PROS1: variants seen among roughly 807,000 people sequenced by gnomAD.
PROS1 encodes the protein protein S, also known as vitamin K-dependent protein S.
PROS1 carries 29 observed loss-of-function variants against 75.9 expected under a neutral mutation model. That is an observed-to-expected ratio of 0.38 (90% confidence interval 0.28 to 0.52). The LOEUF (loss-of-function observed/expected upper bound fraction) is 0.52. Among genes scored for constraint, PROS1 ranks in the 20% least tolerant of loss-of-function variants. The pLI, the probability that PROS1 is intolerant of heterozygous loss-of-function variation, is 0.83. For missense variants in PROS1, 680 were observed against 810.3 expected (o/e 0.84, Z 1.95); for synonymous variants, 245 against 280.6 (o/e 0.87, Z 1.27).
At chr3:93,896,325 A>G (rs922118805) in intron 9 of PROS1, among the ~76,000 whole-genome samples, 3 of 152,170 alleles carry the variant, frequency 2.0e-5, no homozygotes, top group African/African-American at 7.2e-5. Context: ...CTACAAAAGG[A>G]ATAATATGGA....
intron 1 of PROS1, among the ~76,000 whole-genome samples, chr3:93,961,418 G>A (rs192787816): frequency 5.3e-5 from 8 of 152,330 alleles, no homozygotes; most frequent in Middle Eastern, 3.4e-3. Context: ...GCCACATGGC[G>A]GGAATGGTGA....
intron 12 of PROS1, among the ~76,000 whole-genome samples, chr3:93,879,756 T>TCAAA (rs1283701003): frequency 6.6e-6 from 1 of 152,228 alleles, no homozygotes; most frequent in Non-Finnish European, 1.5e-5. Flanking sequence ...ATGATCTATA[T>TCAAA]ACATAGGAGA....
intron 1 of PROS1, among the ~76,000 whole-genome samples, chr3:93,946,838 G>GAAA (rs769904782): frequency 1.6e-4 from 10 of 64,008 alleles, no homozygotes; most frequent in Admixed American, 1.1e-3. Flanking sequence ...CTTCTGCACA[G>GAAA]AAAAAAAAAA....
chr3:93,877,075 C>G lies in PROS1; in HGVS notation c.1761G>C (p.Ser587=), dbSNP rs148234743. The change falls in exon 14 of 15, where the codon TCG becomes TCC. Residue 587 remains serine, a synonymous_variant. Coordinates refer to ENST00000394236, the MANE Select transcript of PROS1 (RefSeq NM_000313.4). ...AGATGGTTTCTATTTTAAGTGGTGT[C>G]GACAACTCCAGATTGTTTCTGTTGA... ...FRVNRNNLEL[S]TPLKIETISH... is the part of the protein sequence containing the mutation. The G allele has an allele frequency of 4.6e-5, 75 of 1,613,030 alleles. No individual in the cohort carries two copies. In the African/African-American group the frequency reaches 9.2e-4, roughly 20 times the overall value.
chr3:93,917,114 C>G, intron 3 of PROS1, among the ~76,000 whole-genome samples: 1 of 152,132 alleles, frequency 6.6e-6, no homozygotes, highest in Non-Finnish European at 1.5e-5. Context: ...TTATTCATAC[C>G]CCGCCCCTTT....
At chr3:93,901,517 A>C (rs1450507525) in intron 6 of PROS1, among the ~76,000 whole-genome samples, 4 of 152,210 alleles carry the variant, frequency 2.6e-5, no homozygotes. Context: ...TATTGTTAGC[A>C]ATTAGTTACT....
intron 1 of PROS1, among the ~76,000 whole-genome samples, chr3:93,943,607 C>G (rs1308174642): frequency 6.6e-6 from 1 of 152,098 alleles, no homozygotes; most frequent in Non-Finnish European, 1.5e-5. Context: ...CCATACCACC[C>G]CCCCAAAATT....
chr3:93,955,543 G>A (rs1189072046), intron 1 of PROS1, among the ~76,000 whole-genome samples: 5 of 151,950 alleles, frequency 3.3e-5, no homozygotes, highest in South Asian at 2.1e-4. Flanking sequence ...AGTTGGACAC[G>A]GGATGGAGAA....
intron 6 of PROS1, among the ~76,000 whole-genome samples, chr3:93,901,169 A>G (rs1031967823): frequency 2.6e-5 from 4 of 152,214 alleles, no homozygotes; most frequent in African/African-American, 9.6e-5. Flanking sequence ...AGTTATGTTA[A>G]GAAGGAGAAA....
chr3:93,928,188 G>T (rs1216104481), intron 1 of PROS1, among the ~76,000 whole-genome samples: 1 of 148,678 alleles, frequency 6.7e-6, no homozygotes, highest in African/African-American at 2.5e-5. Context: ...AATATTAATT[G>T]TTCATGGTGG....
rs752290481 is a variant in PROS1, at chr3:93,973,694, A to C, written c.56T>G (p.Leu19Arg). ...CTCACAGTTTGCCTCTGAGACGGGA[A>C]GCACTAGGAGGAGACACGCCAGCAG... is the stretch of plus-strand genomic sequence containing the variant. The part of the protein sequence containing the change: ...GALLACLLLV[L>R]PVSEANFLSK... Residue 19 changes from leucine (L) to arginine (R), a missense_variant, in exon 1 of 15, where the codon CTT (leucine) becomes CGT (arginine). Coordinates refer to ENST00000394236, the MANE Select transcript of PROS1 (RefSeq NM_000313.4). 1 of 1,613,990 alleles carries C rather than the reference A, an allele frequency of 6.2e-7. No individual in the cohort carries two copies. The highest frequency in any genetic ancestry group is 1.7e-5 in the Admixed American group (1 of 60,012).
chr3:93,972,817 C>T (rs1709899636), intron 1 of PROS1, among the ~76,000 whole-genome samples: 1 of 152,118 alleles, frequency 6.6e-6, no homozygotes, highest in Admixed American at 6.5e-5. Context: ...CCACTGCAGT[C>T]CAGCCTGGGC....
intron 1 of PROS1, among the ~76,000 whole-genome samples, chr3:93,966,809 C>CAAAA (rs752321696): frequency 1.3e-5 from 1 of 76,542 alleles, no homozygotes; most frequent in Non-Finnish European, 2.7e-5. Context: ...GACTCTGTTC[C>CAAAA]AAAAAAAAAA....
intron 1 of PROS1, among the ~76,000 whole-genome samples, chr3:93,930,314 C>T (rs1459239147): frequency 6.6e-6 from 1 of 152,188 alleles, no homozygotes; most frequent in Admixed American, 6.5e-5. Flanking sequence ...GCAATTATCT[C>T]ATTTATTTTA....
chr3:93,921,693 T>C (rs1447898180), intron 3 of PROS1, among the ~76,000 whole-genome samples: 1 of 152,232 alleles, frequency 6.6e-6, no homozygotes, highest in East Asian at 1.9e-4. Context: ...TATTTTATGA[T>C]AATATTTTTA....
chr3:93,894,164 T>C (rs1708470694), intron 9 of PROS1, among the ~76,000 whole-genome samples: 1 of 152,062 alleles, frequency 6.6e-6, no homozygotes, highest in Non-Finnish European at 1.5e-5. Context: ...AATCCCACAC[T>C]CTTACCGCAA....
chr3:93,886,277 A>T, intron 11 of PROS1, 59 bp downstream of exon 11: 1 of 1,484,668 alleles, frequency 6.7e-7, no homozygotes, highest in Admixed American at 1.7e-5. Flanking sequence ...CACATATTCA[A>T]ATCTATTACA....
chr3:93,935,912 CA>C (rs1709175234), intron 1 of PROS1, among the ~76,000 whole-genome samples: 1 of 134,880 alleles, frequency 7.4e-6, no homozygotes, highest in African/African-American at 2.8e-5. Context: ...ATAAAACAAG[CA>C]GAAAGGAAAG....
chr3:93,950,598 C>A (rs1709480635), intron 1 of PROS1, among the ~76,000 whole-genome samples: 1 of 152,278 alleles, frequency 6.6e-6, no homozygotes, highest in South Asian at 2.1e-4. Context: ...CCATCAAAGC[C>A]CAACAGACCT....
Sources: allele counts gnomAD v4.1 joint callset (sites outside exome capture counted in the v4.1 genomes callset), GRCh38; gene constraint gnomAD v4.1.1; transcripts MANE v1.5; gene names NCBI Gene and HGNC (gene_info 2026-07-23, HGNC 2026-07-21).